The following CHST11 variants were observed in gnomAD, a reference collection of about 807,000 sequenced individuals.
The protein encoded by CHST11 is carbohydrate sulfotransferase 11.
CHST11 carries 9 observed loss-of-function variants against 30.4 expected under a neutral mutation model. That is an observed-to-expected ratio of 0.30 (90% CI 0.18 to 0.52). CHST11 has a LOEUF of 0.52. Ranked by LOEUF, CHST11 falls within the 20% of genes least tolerant of loss-of-function variation. CHST11 has a pLI of 0.97. For synonymous variants in CHST11, 152 were observed against 187.8 expected (o/e 0.81, Z 1.56); for missense variants, 348 against 460.6 (o/e 0.76, Z 2.24).
intron 2 of CHST11, among the ~76,000 whole-genome samples, chr12:104,640,900 C>G (rs2039370503): frequency 6.6e-6 from 1 of 152,148 alleles, no homozygotes; most frequent in South Asian, 2.1e-4. Flanking sequence ...CAAAGTGAGA[C>G]CTTACATCCC....
chr12:104,694,467 T>C (rs115015708), intron 2 of CHST11, among the ~76,000 whole-genome samples: 2,732 of 152,260 alleles, frequency 0.018, 64 homozygotes, highest in African/African-American at 0.059. Flanking sequence ...TTGAAAAAAA[T>C]GTTTTTTGAA....
In CHST11 at chr12:104,488,760, T is replaced by C. The variant is rs1214599910; in HGVS notation, c.118+31231T>C. On this transcript the variant is annotated intron_variant, in intron 1 of 2. Coordinates refer to ENST00000303694, the MANE Select transcript of CHST11 (RefSeq NM_018413.6). ...GTACGCGTGTGTGTGTGTGTGTGTG[T>C]GTGTGTGTGTGTCTATACACATACC... Among the ~76,000 whole-genome samples, 3 of 151,950 alleles carry C rather than the reference T, an allele frequency of 2.0e-5. No individual in the cohort carries two copies. In the East Asian group the frequency reaches 5.8e-4, roughly 29 times the overall value.
intron 2 of CHST11, among the ~76,000 whole-genome samples, chr12:104,675,329 G>A (rs1211721657): frequency 3.9e-5 from 6 of 152,194 alleles, no homozygotes; most frequent in African/African-American, 4.8e-5. Context: ...TGGCAGCATC[G>A]AATACACTCA....
chr12:104,475,620 C>T (rs1270031235), intron 1 of CHST11, among the ~76,000 whole-genome samples: 1 of 133,288 alleles, frequency 7.5e-6, no homozygotes, highest in African/African-American at 2.7e-5. Flanking sequence ...ACCATCATCT[C>T]CCTCCCCTGC....
chr12:104,725,467 G>C (rs774365564), intron 2 of CHST11, among the ~76,000 whole-genome samples: 7 of 151,564 alleles, frequency 4.6e-5, no homozygotes, highest in Non-Finnish European at 5.9e-5. Context: ...CAGTTCTCAG[G>C]TTCCTTTCAA....
chr12:104,577,019 C>T (rs1449408572), intron 1 of CHST11, among the ~76,000 whole-genome samples: 6 of 143,614 alleles, frequency 4.2e-5, no homozygotes, highest in Admixed American at 2.0e-4. Context: ...CCCTGGACCT[C>T]GGTACTAAGA....
intron 2 of CHST11, among the ~76,000 whole-genome samples, chr12:104,663,549 A>T (rs544792488): frequency 1.3e-5 from 2 of 152,200 alleles, no homozygotes; most frequent in East Asian, 3.9e-4. Context: ...ATTGTTTGGT[A>T]ACCTGTTTTT....
intron 1 of CHST11, among the ~76,000 whole-genome samples, chr12:104,541,103 C>A (rs550312713): frequency 7.0e-6 from 1 of 142,318 alleles, no homozygotes; most frequent in South Asian, 2.4e-4. Context: ...TTGTATTCTG[C>A]AGAATCTCTC....
At position 104,745,074 on chromosome 12, in the gene CHST11, G is replaced by A. The variant is rs974880937; in HGVS notation, c.205-11875G>A. Among the ~76,000 whole-genome samples, 7 of 151,984 alleles carry A rather than the reference G, an allele frequency of 4.6e-5. 1 individual carries two copies. Among genetic ancestry groups the A allele is most frequent in the African/African-American group, 4.8e-5 (2 of 41,342 alleles). ...TTTTTAGTAAAGACCGGGTTTCGCC[G>A]TGTTGGCCAGGCTGTTCTCGAACTC... On this transcript the variant is annotated intron_variant, in intron 2 of 2. Transcript: ENST00000303694.
intron 1 of CHST11, 124 bp downstream of exon 1, chr12:104,457,653 G>A: frequency 1.3e-6 from 1 of 743,224 alleles, no homozygotes. Context: ...GGGGCTCCTG[G>A]CTGCCCAGAG....
At chr12:104,587,322 C>T (rs567366662) in intron 1 of CHST11, among the ~76,000 whole-genome samples, 96 of 152,304 alleles carry the variant, frequency 6.3e-4, no homozygotes, top group Admixed American at 2.0e-3. Context: ...ATTTAAATTG[C>T]ATCTAAAATG....
intron 1 of CHST11, among the ~76,000 whole-genome samples, chr12:104,529,852 G>A (rs2038163593): frequency 6.6e-6 from 1 of 152,152 alleles, no homozygotes; most frequent in African/African-American, 2.4e-5. Context: ...TTAGCTGGAT[G>A]CCCAACTAAA....
At chr12:104,670,562 C>G (rs180871602) in intron 2 of CHST11, among the ~76,000 whole-genome samples, 1 of 151,688 alleles carries the variant, frequency 6.6e-6, no homozygotes, top group East Asian at 1.9e-4. Flanking sequence ...CCCACACATA[C>G]ACACCCACAC....
chr12:104,700,244 G>T (rs192041277), intron 2 of CHST11, among the ~76,000 whole-genome samples: 43 of 152,126 alleles, frequency 2.8e-4, no homozygotes, highest in African/African-American at 9.9e-4. Flanking sequence ...GGGGTGTCGG[G>T]AATGCAGCAA....
intron 2 of CHST11, among the ~76,000 whole-genome samples, chr12:104,646,855 T>C (rs2039437935): frequency 6.6e-6 from 1 of 152,192 alleles, no homozygotes; most frequent in Non-Finnish European, 1.5e-5. Flanking sequence ...ATTCATTTAC[T>C]CAATCATTCA....
At chr12:104,475,658 T>C (rs1386372022) in intron 1 of CHST11, among the ~76,000 whole-genome samples, 1 of 34,170 alleles carries the variant, frequency 2.9e-5, no homozygotes, top group Non-Finnish European at 7.4e-5. Context: ...TAAAGCAGCA[T>C]TATATATATA....
intron 1 of CHST11, among the ~76,000 whole-genome samples, chr12:104,541,312 T>C (rs901163302): frequency 1.3e-5 from 2 of 152,210 alleles, no homozygotes; most frequent in Admixed American, 1.3e-4. Flanking sequence ...GTCAGTGAAG[T>C]TGACATCTTA....
rs4964808 is a variant in CHST11, at chr12:104,476,084, G to T, written c.118+18555G>T. ...TAATTACATATATGTAGTTATATAT[G>T]TATAAATTATAATTATATATAAATA... On this transcript the variant is annotated intron_variant, in intron 1 of 2. Transcript: ENST00000303694. Among the ~76,000 whole-genome samples the T allele has an allele frequency of 0.014, 1,946 of 140,168 alleles. 73 individuals are homozygous for T. In the East Asian group the frequency reaches 0.17, roughly 12 times the overall value. 92.0% of individuals were successfully genotyped at this position (140,168 alleles called of 152,430 possible).
intron 2 of CHST11, among the ~76,000 whole-genome samples, chr12:104,678,962 G>C (rs1158805668): frequency 6.6e-6 from 1 of 152,118 alleles, no homozygotes; most frequent in Non-Finnish European, 1.5e-5. Flanking sequence ...TCCCGCTCTA[G>C]CTCACACAGT....
Sources: allele counts gnomAD v4.1 joint callset (sites outside exome capture counted in the v4.1 genomes callset), GRCh38; gene constraint gnomAD v4.1.1; transcripts MANE v1.5; gene names NCBI Gene and HGNC (gene_info 2026-07-23, HGNC 2026-07-21).